TEX14: variants seen among roughly 807,000 people sequenced by gnomAD.
The protein encoded by TEX14 is inactive serine/threonine-protein kinase TEX14.
A neutral mutation model predicts 178.6 loss-of-function variants in TEX14; 168 were observed. The ratio of observed to expected loss-of-function variants is 0.94; its 90% confidence interval spans 0.83 to 1.07. The LOEUF (loss-of-function observed/expected upper bound fraction) is 1.07, where lower values mean the gene tolerates loss of function less well. TEX14 is among the 50% of genes least tolerant of loss of function. The pLI is 0.00. For missense variants in TEX14, 1,730 were observed against 1,753.6 expected, an observed-to-expected ratio of 0.99 and a Z score of 0.24; for synonymous variants, 626 against 634.1, an observed-to-expected ratio of 0.99 and a Z score of 0.19.
chr17:58,688,939 A>AT (rs891079019), intron 1 of TEX14, among the ~76,000 whole-genome samples: 13 of 151,020 alleles, frequency 8.6e-5, no homozygotes, highest in Middle Eastern at 3.4e-3. Context: ...CTATACATAT[A>AT]TTTTTTTTTG....
At chr17:58,609,018 G>A (rs1567733325) in intron 10 of TEX14, among the ~76,000 whole-genome samples, 1 of 152,238 alleles carries the variant, frequency 6.6e-6, no homozygotes, top group Non-Finnish European at 1.5e-5. Context: ...TGGACCAGAT[G>A]AGAAAGTGAG....
intron 10 of TEX14, among the ~76,000 whole-genome samples, chr17:58,607,012 C>CAA (rs35155837): frequency 0.021 from 1,952 of 92,038 alleles, 28 homozygotes; most frequent in African/African-American, 0.033. Context: ...GCTACTGTCT[C>CAA]AAAAAAAAAA....
In TEX14 at chr17:58,605,081, C is replaced by A. The variant is rs370936255; in HGVS notation, c.1233G>T (p.Thr411=). 2.5e-6 allele frequency: 4 copies of A among 1,614,148 alleles called. No individual in the cohort carries two copies. The highest frequency in any genetic ancestry group is 2.7e-5 in the African/African-American group (2 of 75,040). ...QRDLTRVPLP[T]QLYNWAAPEV... The stretch of plus-strand genomic sequence containing the variant: ...CTGGTGCGGCCCAGTTGTATAGCTG[C>A]GTAGGAAGGGGCACTCGAGTCAGGT... Residue 411 remains threonine, a synonymous_variant, in exon 11 of 32, where the codon ACG becomes ACT. Transcript: ENST00000349033.
At chr17:58,558,889 GC>G (rs2044212023) in intron 30 of TEX14, among the ~76,000 whole-genome samples, 1 of 152,110 alleles carries the variant, frequency 6.6e-6, no homozygotes, top group Admixed American at 6.6e-5. Context: ...CAAAACATCG[GC>G]CGGGTACAGT....
At chr17:58,570,552 C>A (rs2044498269) in intron 24 of TEX14, 68 bp from the exon 25 acceptor site, 42 of 1,024,872 alleles carry the variant, frequency 4.1e-5, no homozygotes, top group Non-Finnish European at 5.6e-5. Flanking sequence ...GCAGCTCAGT[C>A]ATTTCCAGTT....
rs2045460887 is a variant in TEX14, at chr17:58,601,928, G to C, written c.1556C>G (p.Pro519Arg). The C allele has an allele frequency of 6.2e-7, 1 of 1,613,328 alleles. No homozygotes were observed. Among genetic ancestry groups the C allele is most frequent in the Non-Finnish European group, 8.5e-7 (1 of 1,180,008 alleles). Residue 519 changes from proline to arginine, a missense_variant, in exon 13 of 32, where the codon CCA (proline) becomes CGA (arginine). Around this residue, in one of 2 missense-constraint regions of TEX14, gnomAD observed 789 missense variants for 681.2 expected, o/e 1.16. Transcript: ENST00000349033. ...KDFTGAQRTQPTESPRVQRYG... is the reference protein window; with the variant it reads ...KDFTGAQRTQRTESPRVQRYG... The stretch of plus-strand genomic sequence containing the variant: ...TCTCTGCACTCTGGGGCTCTCGGTT[G>C]GTTGAGTTCTCTGGGCTCCAGTAAA...
At position 58,601,881 on chromosome 17, in the gene TEX14, T is replaced by C. The variant is rs769443830; in HGVS notation, c.1603A>G (p.Asn535Asp). 4.3e-6 allele frequency: 7 copies of C among 1,613,362 alleles called. No individual in the cohort carries two copies. The South Asian group carries it at 7.7e-5, about 18-fold the overall frequency. The change falls in exon 13 of 32, where the codon AAT (asparagine) becomes GAT (aspartate). Residue 535 changes from asparagine to aspartate, a missense_variant. Around this residue, in one of 2 missense-constraint regions of TEX14, gnomAD observed 789 missense variants for 681.2 expected, o/e 1.16. Transcript: ENST00000349033. Reference sequence around the variant, plus strand: ...TCTGAAGTCAGTCCTAGATAGACATTGACATCGGGATGGAGTCCGTATCTC... The same window carrying C: ...TCTGAAGTCAGTCCTAGATAGACATCGACATCGGGATGGAGTCCGTATCTC... ...VQRYGLHPDV[N>D]VYLGLTSEHP...
chr17:58,676,143 A>G (rs1485565563), intron 1 of TEX14, among the ~76,000 whole-genome samples: 1 of 152,190 alleles, frequency 6.6e-6, no homozygotes, highest in East Asian at 1.9e-4. Flanking sequence ...TGGAAGGCTG[A>G]CGCAGGCAGA....
intron 6 of TEX14, 101 bp downstream of exon 6, chr17:58,617,437 G>T: frequency 3.8e-6 from 3 of 785,776 alleles, no homozygotes; most frequent in Non-Finnish European, 6.4e-6. Context: ...ACAACACTTT[G>T]GTGAGGATAA....
chr17:58,636,325 C>T (rs1402017937), intron 2 of TEX14, among the ~76,000 whole-genome samples: 5 of 152,114 alleles, frequency 3.3e-5, no homozygotes, highest in South Asian at 2.1e-4. Context: ...AAAGACTGGC[C>T]GAAAAGGTTA....
intron 29 of TEX14, 79 bp from the exon 30 acceptor site, chr17:58,559,641 A>C (rs2044232028): frequency 2.9e-6 from 2 of 698,028 alleles, no homozygotes; most frequent in South Asian, 1.7e-5. Flanking sequence ...AACAAAAAAC[A>C]AACAACAACA....
intron 1 of TEX14, among the ~76,000 whole-genome samples, chr17:58,683,000 T>C (rs2047525374): frequency 6.9e-6 from 1 of 145,742 alleles, no homozygotes; most frequent in African/African-American, 2.6e-5. Context: ...TTGCAATGTG[T>C]CGAGATCGCG....
At position 58,585,922 on chromosome 17, in the gene TEX14, T is replaced by C. The variant is rs1200795117; in HGVS notation, c.2949A>G (p.Arg983=). 6.2e-7 allele frequency: 1 copy of C among 1,614,034 alleles called. No homozygotes were observed. Among genetic ancestry groups the C allele is most frequent in the Admixed American group, 1.7e-5 (1 of 59,982 alleles). Residue 983 remains arginine, a synonymous_variant, in exon 18 of 32, where the codon CGA becomes CGG. Transcript: ENST00000349033. ...IRSPENTDWQ[R]VIEYHRENDE... Reference sequence around the variant, plus strand: ...CATTTTCCCTATGATACTCAATAACTCGCTGCCAATCCGTGTTTTCTGGGC... The same window carrying C: ...CATTTTCCCTATGATACTCAATAACCCGCTGCCAATCCGTGTTTTCTGGGC...
Position 58,584,485 on chromosome 17 carries a change from G to A in TEX14, c.3171+15C>T. 6.3e-7 allele frequency: 1 copy of A among 1,592,810 alleles called. No homozygotes were observed. The highest frequency in any genetic ancestry group is 1.1e-5 in the South Asian group (1 of 90,634). Reference sequence around the variant, plus strand: ...TCTTTGGGTTCAACTTGGCTTTCCAGGCAGTATTACTTACACTGTAAGATT... The same window carrying A: ...TCTTTGGGTTCAACTTGGCTTTCCAAGCAGTATTACTTACACTGTAAGATT... On this transcript the variant is annotated intron_variant, in intron 19 of 31. Coordinates refer to ENST00000349033, the MANE Select transcript of TEX14 (RefSeq NM_031272.5).
rs1327009504 is a variant in TEX14 at position 58,574,197 on chromosome 17, C to A, written c.3373G>T (p.Glu1125Ter). Residue 1125 changes from glutamate to a stop codon, truncating the protein, a stop_gained, in exon 22 of 32, where the codon GAG becomes TAG. Transcript: ENST00000349033. LOFTEE classifies it high-confidence loss of function. ...CTTTGGTGATCATACATGTCTTTCT[C>A]TTTCAGTTCCTTTGGTGACTCCTTT... Reference protein sequence around the residue: ...TSKESPKELKEKDISLTDIQD... With the variant: ...TSKESPKELK 6 of 1,613,166 alleles carry A rather than the reference C, an allele frequency of 3.7e-6. No individual in the cohort carries two copies. In the Admixed American group the frequency reaches 8.3e-5, roughly 22 times the overall value.
intron 2 of TEX14, among the ~76,000 whole-genome samples, chr17:58,642,187 A>C (rs1393514387): frequency 3.9e-5 from 6 of 152,208 alleles, no homozygotes; most frequent in African/African-American, 1.2e-4. Flanking sequence ...GATGATGTGC[A>C]ATTGTTTTAG....
In TEX14 at chr17:58,692,016, C is replaced by G. The variant is rs2047743096; in HGVS notation, c.-79G>C. On this transcript the variant is annotated 5_prime_UTR_variant, in exon 1 of 32. Coordinates refer to ENST00000349033, the MANE Select transcript of TEX14 (RefSeq NM_031272.5). ...TAACCTCCATGCTCGGGATACGACT[C>G]CCGGGAAGACGTGGGTGGGTGCGGG... 6.5e-6 allele frequency: 1 copy of G among 153,960 alleles called. No homozygotes were observed. The highest frequency in any genetic ancestry group is 1.4e-5 in the Non-Finnish European group (1 of 69,394). 9.5% of individuals were successfully genotyped at this position (153,960 alleles called of 1,614,324 possible).
chr17:58,662,415 TCACACA>T (rs200980242), intron 1 of TEX14, among the ~76,000 whole-genome samples: 1,268 of 114,972 alleles, frequency 0.011, 8 homozygotes, highest in Middle Eastern at 0.016. Context: ...CACACATATC[TCACACA>T]CACACACACA....
chr17:58,581,758 A>C (rs1488722928), intron 19 of TEX14: 1 of 1,603,400 alleles, frequency 6.2e-7, no homozygotes, highest in Admixed American at 1.7e-5. Context: ...AATCACTTTT[A>C]AGTTGCTGTT....
Sources: allele counts gnomAD v4.1 joint callset (sites outside exome capture counted in the v4.1 genomes callset), GRCh38; gene constraint gnomAD v4.1.1; regional missense constraint gnomAD v4.1.1; transcripts MANE v1.5; gene names NCBI Gene and HGNC (gene_info 2026-07-23, HGNC 2026-07-21).